Variants in CADM2 observed in about 807,000 individuals in gnomAD.
The protein encoded by CADM2 is immunoglobulin superfamily member 4D.
Under a neutral mutation model 49.8 loss-of-function variants are expected in CADM2, and 12 were observed. That is an observed-to-expected ratio of 0.24 (90% CI 0.15 to 0.39). CADM2 has a LOEUF of 0.39. Among genes scored for constraint, CADM2 ranks in the 10% least tolerant of loss-of-function variants. The probability of loss-of-function intolerance (pLI) is 1.00; values close to 1 mark genes in which losing one functional copy is unlikely to be tolerated. For synonymous variants in CADM2, 214 were observed against 175.4 expected, an observed-to-expected ratio of 1.22 and a Z score of -1.74; for missense variants, 378 against 492.3, an observed-to-expected ratio of 0.77 and a Z score of 2.20.
At chr3:85,663,063 C>T (rs1271342380) in intron 1 of CADM2, among the ~76,000 whole-genome samples, 6 of 152,030 alleles carry the variant, frequency 3.9e-5, no homozygotes, top group Non-Finnish European at 8.8e-5. Context: ...GTGGGAACTG[C>T]AAACGTAGTG....
chr3:85,159,271 A>G (rs959773245), intron 1 of CADM2, among the ~76,000 whole-genome samples: 1 of 149,980 alleles, frequency 6.7e-6, no homozygotes, highest in Non-Finnish European at 1.5e-5. Context: ...TCAAAACCAC[A>G]GGGGTTGCAG....
chr3:85,061,334 A>T (rs1266333260), intron 1 of CADM2, among the ~76,000 whole-genome samples: 1 of 152,176 alleles, frequency 6.6e-6, no homozygotes, highest in East Asian at 1.9e-4. Context: ...GCAAGGATGC[A>T]TGCAAATGGT....
intron 1 of CADM2, among the ~76,000 whole-genome samples, chr3:85,659,370 T>C (rs2065325765): frequency 6.6e-6 from 1 of 152,036 alleles, no homozygotes; most frequent in Non-Finnish European, 1.5e-5. Context: ...GCAGACTTTG[T>C]GTTAGTCATC....
intron 1 of CADM2, among the ~76,000 whole-genome samples, chr3:85,037,047 G>C (rs1033091919): frequency 7.3e-5 from 11 of 151,340 alleles, no homozygotes; most frequent in Admixed American, 2.0e-4. Flanking sequence ...GCAGGCGCCT[G>C]TAATCCCAGC....
intron 8 of CADM2, among the ~76,000 whole-genome samples, chr3:86,048,502 A>G (rs1481262459): frequency 6.6e-6 from 1 of 152,120 alleles, no homozygotes; most frequent in Non-Finnish European, 1.5e-5. Flanking sequence ...CTGTTGTCCT[A>G]ATAAACTTGC....
chr3:85,471,832 A>T (rs2038783414), intron 1 of CADM2, among the ~76,000 whole-genome samples: 1 of 151,618 alleles, frequency 6.6e-6, no homozygotes, highest in African/African-American at 2.4e-5. Context: ...TAAAATTCTT[A>T]TAATATCTAT....
intron 1 of CADM2, among the ~76,000 whole-genome samples, chr3:85,574,613 C>CT (rs1212709101): frequency 1.3e-5 from 2 of 152,168 alleles, no homozygotes; most frequent in African/African-American, 4.8e-5. Context: ...GTTGTTTCAT[C>CT]TCTTTTAGAA....
At chr3:85,761,367 C>CAT (rs1435295947) in intron 2 of CADM2, among the ~76,000 whole-genome samples, 29 of 101,090 alleles carry the variant, frequency 2.9e-4, no homozygotes, top group East Asian at 2.9e-4. Flanking sequence ...CAACACAAAA[C>CAT]TTTTTTTTTT....
chr3:85,010,558 G>T (rs527919654), intron 1 of CADM2, among the ~76,000 whole-genome samples: 1 of 152,128 alleles, frequency 6.6e-6, no homozygotes, highest in Non-Finnish European at 1.5e-5. Flanking sequence ...CAAGCACTTA[G>T]AATTCTTCCA....
At chr3:85,365,049 A>T (rs901660743) in intron 1 of CADM2, among the ~76,000 whole-genome samples, 1 of 152,162 alleles carries the variant, frequency 6.6e-6, no homozygotes, top group Non-Finnish European at 1.5e-5. Flanking sequence ...AATAGTTTTT[A>T]TGAATGAATG....
At chr3:85,694,974 C>G (rs2066506532) in intron 1 of CADM2, among the ~76,000 whole-genome samples, 1 of 152,050 alleles carries the variant, frequency 6.6e-6, no homozygotes, top group Non-Finnish European at 1.5e-5. Context: ...GCAATGATAA[C>G]TAATTGGCTC....
chr3:85,522,375 T>G (rs993674684), intron 1 of CADM2, among the ~76,000 whole-genome samples: 4 of 152,166 alleles, frequency 2.6e-5, no homozygotes, highest in Admixed American at 6.5e-5. Flanking sequence ...TTAAATCATG[T>G]TTGTAGAAAT....
In CADM2 at chr3:86,051,587, T is replaced by A. The variant is rs372437273; in HGVS notation, c.971-14018T>A. 1.6e-4 allele frequency among the ~76,000 whole-genome samples: 24 copies of A among 152,248 alleles called. 1 individual carries two copies. Among genetic ancestry groups the A allele is most frequent in the African/African-American group, 5.5e-4 (23 of 41,554 alleles). Reference sequence around the variant, plus strand: ...CTATAAATACCCGAGACTGGGTAATTTATAAAGAAAATTGGCTCACAGTTC... The same window carrying A: ...CTATAAATACCCGAGACTGGGTAATATATAAAGAAAATTGGCTCACAGTTC... On this transcript the variant is annotated intron_variant, in intron 8 of 9. Coordinates refer to ENST00000383699, the MANE Select transcript of CADM2 (RefSeq NM_001167675.2).
chr3:85,380,559 A>C (rs1021775030), intron 1 of CADM2, among the ~76,000 whole-genome samples: 1 of 151,978 alleles, frequency 6.6e-6, no homozygotes, highest in Non-Finnish European at 1.5e-5. Context: ...GATATACTTG[A>C]AATAATGCCA....
intron 1 of CADM2, among the ~76,000 whole-genome samples, chr3:85,040,454 G>A (rs2035390177): frequency 6.6e-6 from 1 of 151,972 alleles, no homozygotes; most frequent in South Asian, 2.1e-4. Flanking sequence ...ATGCAGATTA[G>A]CGTCTGAAAC....
chr3:85,203,243 T>C (rs2041553638), intron 1 of CADM2, among the ~76,000 whole-genome samples: 1 of 152,232 alleles, frequency 6.6e-6, no homozygotes, highest in African/African-American at 2.4e-5. Flanking sequence ...TTCACTTAGC[T>C]GAATCATTTC....
intron 1 of CADM2, among the ~76,000 whole-genome samples, chr3:85,278,810 C>A (rs962878692): frequency 2.7e-5 from 4 of 150,208 alleles, no homozygotes; most frequent in Admixed American, 6.7e-5. Context: ...TTGCAAAATG[C>A]TCTATAGATA....
chr3:85,820,708 T>C (rs2073501191), intron 3 of CADM2, among the ~76,000 whole-genome samples: 1 of 152,040 alleles, frequency 6.6e-6, no homozygotes, highest in Non-Finnish European at 1.5e-5. Context: ...TGATAGCCAA[T>C]TGGGTATATG....
At chr3:85,101,757 A>T (rs968290039) in intron 1 of CADM2, among the ~76,000 whole-genome samples, 6 of 152,190 alleles carry the variant, frequency 3.9e-5, no homozygotes, top group African/African-American at 1.4e-4. Flanking sequence ...TTTCATATTT[A>T]ATGTTTACTT....
Sources: gnomAD v4.1 joint callset for allele counts (sites outside exome capture counted in the v4.1 genomes callset) on GRCh38, gnomAD v4.1.1 for gene constraint, MANE v1.5 for transcripts, NCBI Gene and HGNC (gene_info 2026-07-23, HGNC 2026-07-21) for gene names.